Variants in BMPER observed in about 807,000 individuals in gnomAD.
BMPER encodes the protein BMP binding endothelial regulator, also known as BMP-binding endothelial regulator protein.
A neutral mutation model predicts 87.3 loss-of-function variants in BMPER; 45 were observed. The observed-to-expected ratio is 0.52, with a 90% confidence interval of 0.41 to 0.66. BMPER has a LOEUF of 0.66. BMPER is among the 30% of genes least tolerant of loss of function. The pLI is 0.00. For synonymous variants in BMPER, 326 were observed against 316.2 expected (o/e 1.03, Z -0.33); for missense variants, 784 against 867.5 (o/e 0.90, Z 1.21).
At chr7:33,959,671 A>G (rs978387824) in intron 3 of BMPER, among the ~76,000 whole-genome samples, 1 of 152,234 alleles carries the variant, frequency 6.6e-6, no homozygotes, top group Non-Finnish European at 1.5e-5. Context: ...AATGCATTGC[A>G]TATTCCCTTT....
chr7:33,924,706 C>T (rs1217063415), intron 2 of BMPER, among the ~76,000 whole-genome samples: 2 of 152,192 alleles, frequency 1.3e-5, no homozygotes, highest in Non-Finnish European at 2.9e-5. Flanking sequence ...CTTGCTCTGT[C>T]GCCCGGGCTG....
intron 6 of BMPER, among the ~76,000 whole-genome samples, chr7:34,002,160 G>A (rs1168144929): frequency 1.3e-5 from 2 of 151,718 alleles, no homozygotes; most frequent in African/African-American, 4.8e-5. Context: ...AGCGTTCTCT[G>A]TAGACAGATG....
At chr7:34,096,091 A>T (rs1282349071) in intron 13 of BMPER, among the ~76,000 whole-genome samples, 1 of 152,146 alleles carries the variant, frequency 6.6e-6, no homozygotes, top group African/African-American at 2.4e-5. Context: ...AACAGGCCTG[A>T]GTGCTGTGGT....
chr7:34,063,679 A>G (rs1788501018), intron 11 of BMPER, among the ~76,000 whole-genome samples: 1 of 152,216 alleles, frequency 6.6e-6, no homozygotes, highest in Admixed American at 6.5e-5. Flanking sequence ...ACACGTGTAC[A>G]ATCTAATACA....
At chr7:34,064,446 A>G (rs138073817) in intron 11 of BMPER, among the ~76,000 whole-genome samples, 3 of 152,382 alleles carry the variant, frequency 2.0e-5, no homozygotes, top group African/African-American at 4.8e-5. Context: ...TTCCATATCT[A>G]GAAAACTGGT....
chr7:34,147,263 C>T (rs891578678), intron 14 of BMPER, among the ~76,000 whole-genome samples: 4 of 152,128 alleles, frequency 2.6e-5, no homozygotes, highest in African/African-American at 9.7e-5. Context: ...TGTAAAAGTT[C>T]AAGAGATAAA....
At chr7:34,119,203 A>G (rs1449654529) in intron 13 of BMPER, among the ~76,000 whole-genome samples, 2 of 152,172 alleles carry the variant, frequency 1.3e-5, no homozygotes, top group African/African-American at 2.4e-5. Context: ...GATGTGTGAT[A>G]CAAGCTGAGT....
intron 6 of BMPER, among the ~76,000 whole-genome samples, chr7:33,978,953 C>T (rs1239322653): frequency 6.6e-6 from 1 of 152,042 alleles, no homozygotes; most frequent in African/African-American, 2.4e-5. Context: ...GAATGCATAT[C>T]GTTTAAGTCA....
intron 13 of BMPER, among the ~76,000 whole-genome samples, chr7:34,099,159 G>A (rs949402253): frequency 1.3e-5 from 2 of 152,286 alleles, no homozygotes; most frequent in Non-Finnish European, 1.5e-5. Context: ...GTTGTTCCCC[G>A]TGTGGATGAG....
intron 2 of BMPER, among the ~76,000 whole-genome samples, chr7:33,929,333 C>T (rs897432915): frequency 6.6e-6 from 1 of 152,170 alleles, no homozygotes; most frequent in Admixed American, 6.5e-5. Context: ...CTCTTCTGCT[C>T]AAATCAAAGA....
intron 3 of BMPER, among the ~76,000 whole-genome samples, chr7:33,953,090 G>A (rs1400534789): frequency 6.6e-6 from 1 of 152,174 alleles, no homozygotes; most frequent in Non-Finnish European, 1.5e-5. Context: ...TCTGACTGTC[G>A]GAGAGTGTCC....
intron 2 of BMPER, among the ~76,000 whole-genome samples, chr7:33,934,324 T>G (rs981055311): frequency 6.6e-6 from 1 of 152,070 alleles, no homozygotes; most frequent in African/African-American, 2.4e-5. Context: ...CTTTTAAAGT[T>G]TTTTCTTGGA....
At chr7:34,100,244 A>G (rs914929522) in intron 13 of BMPER, among the ~76,000 whole-genome samples, 3 of 152,198 alleles carry the variant, frequency 2.0e-5, no homozygotes, top group Admixed American at 2.0e-4. Flanking sequence ...CTATGCTATG[A>G]TATGTATGCT....
intron 13 of BMPER, among the ~76,000 whole-genome samples, chr7:34,133,625 G>A (rs765854857): frequency 6.6e-6 from 1 of 152,182 alleles, no homozygotes; most frequent in Non-Finnish European, 1.5e-5. Flanking sequence ...TTATAAACCG[G>A]TTGGTCAGAA....
chr7:34,058,245 AAC>A (rs1788336775), intron 10 of BMPER, 82 bp downstream of exon 10: 10 of 1,285,452 alleles, frequency 7.8e-6, no homozygotes, highest in Non-Finnish European at 7.8e-6. Context: ...CCATCTTCCG[AAC>A]ACAGACTCCA....
chr7:34,077,334 A>G (rs944148709), intron 11 of BMPER, among the ~76,000 whole-genome samples: 3 of 152,164 alleles, frequency 2.0e-5, no homozygotes, highest in Non-Finnish European at 4.4e-5. Context: ...GTGAAGCAAC[A>G]CACCGTGTAA....
At chr7:34,056,792 A>C (rs1342226856) in intron 9 of BMPER, among the ~76,000 whole-genome samples, 1 of 151,778 alleles carries the variant, frequency 6.6e-6, no homozygotes, top group Non-Finnish European at 1.5e-5. Context: ...TAATTTTTGT[A>C]TTTTTAGTAG....
intron 6 of BMPER, among the ~76,000 whole-genome samples, chr7:34,027,079 G>A (rs1032475275): frequency 5.9e-5 from 9 of 152,040 alleles, no homozygotes; most frequent in African/African-American, 2.2e-4. Flanking sequence ...CTAAACTTTG[G>A]TCTGCTTATC....
Position 33,937,380 on chromosome 7 carries a change from A to G in BMPER, c.311A>G (p.Gln104Arg). 1 of 1,614,000 alleles carries G rather than the reference A, an allele frequency of 6.2e-7. No individual in the cohort carries two copies. Among genetic ancestry groups the G allele is most frequent in the Non-Finnish European group, 8.5e-7 (1 of 1,179,898 alleles). The change falls in exon 3 of 15, where the codon CAG becomes CGG. Residue 104 changes from glutamine to arginine, a missense_variant. Physicochemically the swap from Gln to Arg is conservative, Grantham distance 43. Coordinates refer to ENST00000649409, the MANE Select transcript of BMPER (RefSeq NM_001365308.1). Reference sequence around the variant, plus strand: ...AAGCAGAGGGGAGCCTGTTGTGAACAGTGCAAAGGTGATTGATGTCTTGGC... The same window carrying G: ...AAGCAGAGGGGAGCCTGTTGTGAACGGTGCAAAGGTGATTGATGTCTTGGC... ...AIKQRGACCE[Q>R]CKGCTYEGNT...
Sources: allele counts gnomAD v4.1 joint callset (sites outside exome capture counted in the v4.1 genomes callset), GRCh38; gene constraint gnomAD v4.1.1; transcripts MANE v1.5; gene names NCBI Gene and HGNC (gene_info 2026-07-23, HGNC 2026-07-21).